DERA: variants seen among roughly 807,000 people sequenced by gnomAD.
DERA encodes the protein deoxyribose-phosphate aldolase.
Under a neutral mutation model 41.1 loss-of-function variants are expected in DERA, and 15 were observed. The ratio of observed to expected loss-of-function variants is 0.37; its 90% CI spans 0.24 to 0.56. The LOEUF is 0.56. DERA is among the 20% of genes least tolerant of loss of function. The pLI is 0.81. For synonymous variants in DERA, 139 were observed against 137.4 expected, an observed-to-expected ratio of 1.01 and a Z score of -0.08; for missense variants, 396 against 403.4, an observed-to-expected ratio of 0.98 and a Z score of 0.16.
At chr12:16,002,244 T>C (rs758485527) in intron 6 of DERA, among the ~76,000 whole-genome samples, 1 of 151,092 alleles carries the variant, frequency 6.6e-6, no homozygotes, top group Non-Finnish European at 1.5e-5. Flanking sequence ...AGCAAGGTTA[T>C]TCTTAACGCT....
Position 15,998,579 on chromosome 12 carries a change from T to A in DERA, c.637+16143T>A, listed in dbSNP as rs11836689. ...TGATCCGCCTGCCTCAGCCTCCCAA[T>A]GTGCTGGAATTACAGGTGTGAGCCA... On this transcript the variant is annotated intron_variant, in intron 6 of 8. Transcript: ENST00000428559. The surrounding 1 kb of genome is among the most constrained non-coding windows in gnomAD (Gnocchi z 4.8). 0.065 allele frequency among the ~76,000 whole-genome samples: 9,946 copies of A among 152,076 alleles called. 1,047 individuals carry two copies. The highest frequency in any genetic ancestry group is 0.22 in the African/African-American group (9,155 of 41,446).
chr12:15,937,103 C>T (rs79455344), intron 1 of DERA, among the ~76,000 whole-genome samples: 2,845 of 152,206 alleles, frequency 0.019, 101 homozygotes, highest in African/African-American at 0.064. Context: ...CACTGGCATG[C>T]ACCAGCACGA....
chr12:15,955,323 C>T (rs1236031405), intron 1 of DERA, among the ~76,000 whole-genome samples: 4 of 150,966 alleles, frequency 2.6e-5, no homozygotes, highest in Non-Finnish European at 2.9e-5. Flanking sequence ...GGCTCCCCTG[C>T]GTTTGAGTAG....
At chr12:15,926,539 A>G (rs1030998817) in intron 1 of DERA, among the ~76,000 whole-genome samples, 9 of 151,940 alleles carry the variant, frequency 5.9e-5, no homozygotes, top group African/African-American at 1.7e-4. Flanking sequence ...GATCGAGACC[A>G]TCCTGGCTAA....
At position 15,999,971 on chromosome 12, in the gene DERA, A is replaced by G. The variant is rs560021124; in HGVS notation, c.637+17535A>G. ...AAGGCCATTAGGAAGCTGTGATAAC[A>G]CTTCAGCTGACCATCACGAGCTCCT... On this transcript the variant is annotated intron_variant, in intron 6 of 8. Coordinates refer to ENST00000428559, the MANE Select transcript of DERA (RefSeq NM_015954.4). The surrounding 1 kb of genome is among the most constrained non-coding windows in gnomAD (Gnocchi z 5.3). 4.6e-5 allele frequency among the ~76,000 whole-genome samples: 7 copies of G among 152,298 alleles called. No individual in the cohort carries two copies. In the East Asian group the frequency reaches 1.4e-3, roughly 29 times the overall value.
chr12:15,953,067 C>T (rs967736876), intron 1 of DERA, among the ~76,000 whole-genome samples: 2 of 152,132 alleles, frequency 1.3e-5, no homozygotes, highest in Admixed American at 1.3e-4. Context: ...GCACCTTCTC[C>T]TCTAGAATCC....
rs564317509 is a variant in DERA, at chr12:15,931,638, T to A, written c.31+20224T>A. Among the ~76,000 whole-genome samples, 13 of 152,186 alleles carry A rather than the reference T, an allele frequency of 8.5e-5. No individual in the cohort carries two copies. The highest frequency in any genetic ancestry group is 1.6e-4 in the Non-Finnish European group (11 of 68,032). ...AGAGCATGCTATGGTTTGGATGTGGTTTGTCTACACTAAAGCTGATGTTCA... is the reference window on the plus strand; with the variant it reads ...AGAGCATGCTATGGTTTGGATGTGGATTGTCTACACTAAAGCTGATGTTCA... On this transcript the variant is annotated intron_variant, in intron 1 of 8. Coordinates refer to ENST00000428559, the MANE Select transcript of DERA (RefSeq NM_015954.4). This position sits in a 1 kb window ranked among gnomAD's most constrained non-coding sequence, Gnocchi z 4.6.
chr12:15,988,479 C>T lies in DERA; in HGVS notation c.637+6043C>T, dbSNP rs1409109575. Among the ~76,000 whole-genome samples, 3 of 152,152 alleles carry T rather than the reference C, an allele frequency of 2.0e-5. No homozygotes were observed. Among genetic ancestry groups the T allele is most frequent in the Admixed American group, 6.5e-5 (1 of 15,276 alleles). On this transcript the variant is annotated intron_variant, in intron 6 of 8. Transcript: ENST00000428559. The surrounding 1 kb of genome is among the most constrained non-coding windows in gnomAD (Gnocchi z 6.0). Reference sequence around the variant, plus strand: ...AGAGGAGACCTGTAGTGGGTAGCTCCTTTTTGCAGGCAGGTCGTCCCTGTG... The same window carrying T: ...AGAGGAGACCTGTAGTGGGTAGCTCTTTTTTGCAGGCAGGTCGTCCCTGTG...
rs937272679 is a variant in DERA at position 16,012,956 on chromosome 12, T to C, written c.638-19586T>C. Among the ~76,000 whole-genome samples, 1 of 152,226 alleles carries C rather than the reference T, an allele frequency of 6.6e-6. No homozygotes were observed. On this transcript the variant is annotated intron_variant, in intron 6 of 8. Coordinates refer to ENST00000428559, the MANE Select transcript of DERA (RefSeq NM_015954.4). This position sits in a 1 kb window ranked among gnomAD's most constrained non-coding sequence, Gnocchi z 4.1. ...TTTGTATTAGTTCCTCAAATCCCCG[T>C]ACTTCAGTTTAAACTAGCCACATTT...
rs1283145409 is a variant in DERA, at chr12:15,915,546, C to T, written c.31+4132C>T. ...CTAGCCTCAAGTGATACTCCAGCCT[C>T]TGCCTCCCAAAGTGCTAGGATTATA... On this transcript the variant is annotated intron_variant, in intron 1 of 8. Transcript: ENST00000428559. This position sits in a 1 kb window ranked among gnomAD's most constrained non-coding sequence, Gnocchi z 4.8. Among the ~76,000 whole-genome samples the T allele has an allele frequency of 1.3e-5, 2 of 152,316 alleles. No homozygotes were observed. Among genetic ancestry groups the T allele is most frequent in the East Asian group, 3.9e-4 (2 of 5,184 alleles).
At chr12:15,933,459 G>A (rs1222324940) in intron 1 of DERA, among the ~76,000 whole-genome samples, 1 of 151,982 alleles carries the variant, frequency 6.6e-6, no homozygotes, top group Non-Finnish European at 1.5e-5. Context: ...TTTAAAATAA[G>A]TAAATGTTTG....
In DERA at chr12:15,970,396, A is replaced by T. The variant is rs997312946; in HGVS notation, c.508+7449A>T. On this transcript the variant is annotated intron_variant, in intron 5 of 8. Coordinates refer to ENST00000428559, the MANE Select transcript of DERA (RefSeq NM_015954.4). This position sits in a 1 kb window ranked among gnomAD's most constrained non-coding sequence, Gnocchi z 4.3. ...GGATTCTTACTTAAATCATAATTTT[A>T]TACATATAAGTTTTATTAACAGAGT... 1.3e-5 allele frequency among the ~76,000 whole-genome samples: 2 copies of T among 152,338 alleles called. No homozygotes were observed. Among genetic ancestry groups the T allele is most frequent in the Admixed American group, 6.5e-5 (1 of 15,306 alleles).
intron 1 of DERA, among the ~76,000 whole-genome samples, chr12:15,947,363 A>G (rs955049090): frequency 1.3e-5 from 2 of 152,160 alleles, no homozygotes; most frequent in African/African-American, 2.4e-5. Context: ...TAGGTCTCTA[A>G]GGACTTGCTT....
In DERA at chr12:16,003,239, C is replaced by T. The variant is rs1353212131; in HGVS notation, c.637+20803C>T. On this transcript the variant is annotated intron_variant, in intron 6 of 8. Coordinates refer to ENST00000428559, the MANE Select transcript of DERA (RefSeq NM_015954.4). This position sits in a 1 kb window ranked among gnomAD's most constrained non-coding sequence, Gnocchi z 4.8. ...GGTGTTCTTCATGTTGTATGTCTGTCTCTTCACCTGGTGTTCTTTTTATAA... is the reference window on the plus strand; with the variant it reads ...GGTGTTCTTCATGTTGTATGTCTGTTTCTTCACCTGGTGTTCTTTTTATAA... Among the ~76,000 whole-genome samples, 1 of 152,148 alleles carries T rather than the reference C, an allele frequency of 6.6e-6. No individual in the cohort carries two copies. The highest frequency in any genetic ancestry group is 1.5e-5 in the Non-Finnish European group (1 of 68,038).
At chr12:15,964,871 G>A (rs1244468548) in intron 5 of DERA, among the ~76,000 whole-genome samples, 1 of 152,164 alleles carries the variant, frequency 6.6e-6, no homozygotes, top group African/African-American at 2.4e-5. Context: ...AACTAGGAAT[G>A]GTTGTTTTTA....
chr12:16,024,346 A>G (rs1323803467), intron 6 of DERA, among the ~76,000 whole-genome samples: 1 of 152,196 alleles, frequency 6.6e-6, no homozygotes, highest in Non-Finnish European at 1.5e-5. Context: ...GTGCACCTAG[A>G]CATATTATAG....
intron 2 of DERA, 76 bp from the exon 3 acceptor site, chr12:15,958,112 C>T: frequency 7.8e-7 from 1 of 1,282,406 alleles, no homozygotes; most frequent in Non-Finnish European, 1.1e-6. Flanking sequence ...TGATTCTCTA[C>T]TAACCACCTG....
rs556790651 is a variant in DERA, at chr12:15,976,243, A to G, written c.509-6065A>G. ...TATCTTCAGTATATTCATCTTTTTT[A>G]TCAATATTTGCCTTTTTATCAATTG... On this transcript the variant is annotated intron_variant, in intron 5 of 8. Coordinates refer to ENST00000428559, the MANE Select transcript of DERA (RefSeq NM_015954.4). This position sits in a 1 kb window ranked among gnomAD's most constrained non-coding sequence, Gnocchi z 4.1. Among the ~76,000 whole-genome samples the G allele has an allele frequency of 6.6e-6, 1 of 151,818 alleles. No homozygotes were observed. The highest frequency in any genetic ancestry group is 1.5e-5 in the Non-Finnish European group (1 of 68,002).
chr12:16,034,745 C>T (rs1386125051), intron 7 of DERA, among the ~76,000 whole-genome samples: 1 of 145,664 alleles, frequency 6.9e-6, no homozygotes, highest in African/African-American at 2.8e-5. Flanking sequence ...TTTATGTCTT[C>T]CATATTCTCT....
Sources: gnomAD v4.1 joint callset for allele counts (sites outside exome capture counted in the v4.1 genomes callset) on GRCh38, gnomAD v4.1.1 for gene constraint, Gnocchi (gnomAD v3.1) non-coding constraint, MANE v1.5 for transcripts, NCBI Gene and HGNC (gene_info 2026-07-23, HGNC 2026-07-21) for gene names.